The following CORIN variants were observed in gnomAD, a reference collection of about 807,000 sequenced individuals.
CORIN encodes atrial natriuretic peptide-converting enzyme.
A neutral mutation model predicts 125.3 loss-of-function variants in CORIN; 117 were observed. That is an observed-to-expected ratio of 0.93 (90% CI 0.80 to 1.09). CORIN has a LOEUF of 1.09. CORIN is among the 50% of genes least tolerant of loss of function. The pLI, the probability that CORIN is intolerant of heterozygous loss-of-function variation, is 0.00. For missense variants in CORIN, 1,253 were observed against 1,306.7 expected (o/e 0.96, Z 0.63); for synonymous variants, 450 against 466.4 (o/e 0.96, Z 0.45).
chr4:47,762,328 AAC>A (rs1019493925), intron 4 of CORIN, among the ~76,000 whole-genome samples: 3 of 152,216 alleles, frequency 2.0e-5, no homozygotes, highest in African/African-American at 7.2e-5. Context: ...TAGGAATTCA[AAC>A]ACACAGAAAA....
intron 16 of CORIN, among the ~76,000 whole-genome samples, chr4:47,632,757 A>AGATAGATGATAGATAGATAGATAGAT (rs1553905922): frequency 2.2e-5 from 3 of 136,816 alleles, no homozygotes; most frequent in African/African-American, 7.9e-5. Flanking sequence ...ATAGATAGAT[A>AGATAGATGATAGATAGATAGATAGAT]GATAGATAGA....
chr4:47,718,792 T>G (rs564597593), intron 5 of CORIN, among the ~76,000 whole-genome samples: 1 of 152,134 alleles, frequency 6.6e-6, no homozygotes, highest in Non-Finnish European at 1.5e-5. Flanking sequence ...GAAGGAAAAG[T>G]ACTAAAGCAG....
In CORIN at chr4:47,645,066, C is replaced by T. The variant is rs61759693; in HGVS notation, c.1957+15G>A. 899 of 1,464,616 alleles carry T rather than the reference C, an allele frequency of 6.1e-4. No individual in the cohort carries two copies. The highest frequency in any genetic ancestry group is 7.8e-4 in the Non-Finnish European group (829 of 1,056,372). 90.7% of individuals were successfully genotyped at this position (1,464,616 alleles called of 1,614,324 possible). ...AATAAAAATGCTCTGTTGACAAATT[C>T]GCATAAGCACTTACAGCAGTTTTTC... On this transcript the variant is annotated intron_variant, in intron 14 of 21. Transcript: ENST00000273857.
chr4:47,731,478 C>A (rs34590212), intron 5 of CORIN, among the ~76,000 whole-genome samples: 15,029 of 151,978 alleles, frequency 0.099, 880 homozygotes, highest in East Asian at 0.27. Context: ...TGAAATGAGG[C>A]GAAAACACAA....
intron 3 of CORIN, among the ~76,000 whole-genome samples, chr4:47,782,074 G>C (rs942296906): frequency 3.9e-5 from 6 of 151,998 alleles, no homozygotes; most frequent in African/African-American, 1.4e-4. Context: ...CAAAATGTCT[G>C]ACGCAAAAAA....
chr4:47,821,966 T>C (rs1732536210), intron 1 of CORIN, among the ~76,000 whole-genome samples: 2 of 152,196 alleles, frequency 1.3e-5, no homozygotes, highest in African/African-American at 4.8e-5. Context: ...TAAGGGATTA[T>C]AAATAATCCT....
At chr4:47,696,059 C>CT (rs1353909381) in intron 5 of CORIN, among the ~76,000 whole-genome samples, 1 of 152,160 alleles carries the variant, frequency 6.6e-6, no homozygotes, top group African/African-American at 2.4e-5. Flanking sequence ...TCAACATTGT[C>CT]TTTTTCTCTC....
At chr4:47,599,223 T>G (rs1721359022) in intron 21 of CORIN, among the ~76,000 whole-genome samples, 1 of 152,166 alleles carries the variant, frequency 6.6e-6, no homozygotes, top group African/African-American at 2.4e-5. Flanking sequence ...CTTGTGGCCA[T>G]GAAGCAGAAA....
chr4:47,672,265 T>C (rs988910915), intron 10 of CORIN, among the ~76,000 whole-genome samples: 14 of 152,194 alleles, frequency 9.2e-5, no homozygotes, highest in Middle Eastern at 3.4e-3. Flanking sequence ...GAGCCAAGAG[T>C]TATCCAGTTG....
chr4:47,611,109 T>C (rs1721850638), intron 19 of CORIN, among the ~76,000 whole-genome samples: 1 of 152,212 alleles, frequency 6.6e-6, no homozygotes, highest in Non-Finnish European at 1.5e-5. Flanking sequence ...AATTTTAAAA[T>C]AGTTTTTTCT....
intron 4 of CORIN, among the ~76,000 whole-genome samples, chr4:47,753,905 T>C (rs573429699): frequency 3.9e-5 from 6 of 152,308 alleles, no homozygotes; most frequent in Non-Finnish European, 8.8e-5. Context: ...TATAAGAGTA[T>C]TATTTGGGAA....
chr4:47,736,047 T>A (rs1728120413), intron 5 of CORIN, among the ~76,000 whole-genome samples: 1 of 152,148 alleles, frequency 6.6e-6, no homozygotes, highest in South Asian at 2.1e-4. Flanking sequence ...ATGATTTTTT[T>A]ATTTTCAAGT....
intron 4 of CORIN, among the ~76,000 whole-genome samples, chr4:47,757,685 C>T (rs186732505): frequency 2.0e-5 from 3 of 151,300 alleles, no homozygotes; most frequent in African/African-American, 7.3e-5. Flanking sequence ...TATCATTATC[C>T]ATGAAAATAG....
chr4:47,672,001 G>C (rs949900746), intron 10 of CORIN, among the ~76,000 whole-genome samples: 1 of 152,154 alleles, frequency 6.6e-6, no homozygotes, highest in Admixed American at 6.5e-5. Flanking sequence ...GAGAGAAGTT[G>C]GCAAGAATAT....
At chr4:47,826,079 A>G (rs902899184) in intron 1 of CORIN, among the ~76,000 whole-genome samples, 8 of 152,192 alleles carry the variant, frequency 5.3e-5, no homozygotes, top group Admixed American at 3.3e-4. Context: ...AAAGGCAGTG[A>G]TAAGACACCA....
chr4:47,833,631 G>T (rs1363916342), intron 1 of CORIN, among the ~76,000 whole-genome samples: 2 of 151,786 alleles, frequency 1.3e-5, no homozygotes, highest in African/African-American at 4.8e-5. Context: ...TCTATAAAGT[G>T]GGAGAAAATA....
intron 2 of CORIN, among the ~76,000 whole-genome samples, chr4:47,799,136 TG>T (rs1197208284): frequency 6.6e-6 from 1 of 151,808 alleles, no homozygotes; most frequent in Non-Finnish European, 1.5e-5. Flanking sequence ...TGTGTGTGTG[TG>T]TGTGTGTGTA....
At chr4:47,623,803 A>T in intron 18 of CORIN, 58 bp from the exon 19 acceptor site, 1 of 1,611,190 alleles carries the variant, frequency 6.2e-7, no homozygotes, top group Non-Finnish European at 8.5e-7. Context: ...CTAAATGCTT[A>T]GCTCTTTGCT....
chr4:47,619,766 C>T (rs187161844), intron 19 of CORIN, among the ~76,000 whole-genome samples: 15 of 152,200 alleles, frequency 9.9e-5, no homozygotes, highest in Non-Finnish European at 1.5e-4. Flanking sequence ...TTAACTAGCA[C>T]ATAAAGAGTG....
Sources: allele counts gnomAD v4.1 joint callset (sites outside exome capture counted in the v4.1 genomes callset), GRCh38; gene constraint gnomAD v4.1.1; transcripts MANE v1.5; gene names NCBI Gene and HGNC (gene_info 2026-07-23, HGNC 2026-07-21).